MACC1: variants seen among roughly 807,000 people sequenced by gnomAD.
MACC1 encodes the protein MET transcriptional regulator MACC1, also known as metastasis-associated in colon cancer protein 1.
In MACC1, 79 loss-of-function variants were observed where a neutral mutation model predicts 70.7. That is an observed-to-expected ratio of 1.12 (90% CI 0.93 to 1.35). The LOEUF (loss-of-function observed/expected upper bound fraction) is 1.35. Ranked by LOEUF, MACC1 falls within the 40% of genes most tolerant of loss-of-function variation. The pLI is 0.00. For synonymous variants in MACC1, 361 were observed against 347.2 expected (o/e 1.04, Z -0.44); for missense variants, 1,106 against 978.1 (o/e 1.13, Z -1.74).
intron 3 of MACC1, among the ~76,000 whole-genome samples, chr7:20,162,265 C>G (rs868087163): frequency 6.6e-6 from 1 of 151,978 alleles, no homozygotes; most frequent in African/African-American, 2.4e-5. Context: ...TGTATACATT[C>G]GATGCAGTTC....
chr7:20,158,267 C>T lies in MACC1; in HGVS notation c.2094G>A (p.Lys698=). Residue 698 remains lysine, a synonymous_variant, in exon 5 of 7, where the codon AAG becomes AAA. Coordinates refer to ENST00000400331, the MANE Select transcript of MACC1 (RefSeq NM_182762.4). The part of the protein sequence containing the change: ...KESEKVSYVI[K]KLKEDCHTER... ...CTGTGTGGCAATCTTCCTTTAACTT[C>T]TTTATAACATAAGAAACTTTCTCTG... The T allele has an allele frequency of 6.2e-7, 1 of 1,609,638 alleles. No individual in the cohort carries two copies. The highest frequency in any genetic ancestry group is 8.5e-7 in the Non-Finnish European group (1 of 1,178,958).
chr7:20,164,809 G>A (rs528070595), intron 2 of MACC1, among the ~76,000 whole-genome samples: 7 of 152,070 alleles, frequency 4.6e-5, no homozygotes, highest in Middle Eastern at 3.4e-3. Flanking sequence ...AAATTAAAAT[G>A]AGGAACAAAT....
intron 1 of MACC1, among the ~76,000 whole-genome samples, chr7:20,204,301 CCCA>C (rs1782878068): frequency 6.6e-6 from 1 of 152,010 alleles, no homozygotes; most frequent in Non-Finnish European, 1.5e-5. Flanking sequence ...ACCACAGGCG[CCCA>C]CCACCACGCC....
chr7:20,168,638 A>T (rs934104965), intron 2 of MACC1, among the ~76,000 whole-genome samples: 1 of 152,180 alleles, frequency 6.6e-6, no homozygotes, highest in Admixed American at 6.5e-5. Context: ...ATGTGTGTTG[A>T]TGTCATCTCA....
At chr7:20,182,177 A>T (rs1052852945) in intron 1 of MACC1, among the ~76,000 whole-genome samples, 1 of 112,804 alleles carries the variant, frequency 8.9e-6, no homozygotes, top group African/African-American at 3.4e-5. Flanking sequence ...AACATCACCC[A>T]CTGGGGACTG....
At chr7:20,163,975 C>T (rs1015882596) in intron 3 of MACC1, among the ~76,000 whole-genome samples, 7 of 152,190 alleles carry the variant, frequency 4.6e-5, no homozygotes, top group South Asian at 2.1e-4. Context: ...CTCGCTATAT[C>T]GCCCAGGCTG....
intron 1 of MACC1, among the ~76,000 whole-genome samples, chr7:20,205,617 C>G (rs1782900058): frequency 6.6e-6 from 1 of 152,122 alleles, no homozygotes; most frequent in Non-Finnish European, 1.5e-5. Flanking sequence ...CCTGCTATTG[C>G]TTTGACCATT....
At chr7:20,145,048 T>C (rs536823916) in intron 6 of MACC1, among the ~76,000 whole-genome samples, 25 of 152,294 alleles carry the variant, frequency 1.6e-4, no homozygotes, top group African/African-American at 5.8e-4. Context: ...CCCAACTCCA[T>C]GTTCCACAAC....
At chr7:20,180,420 C>A (rs371821037) in intron 1 of MACC1, among the ~76,000 whole-genome samples, 1 of 143,144 alleles carries the variant, frequency 7.0e-6, no homozygotes, top group African/African-American at 2.6e-5. Context: ...TTCAGCCTTG[C>A]GACAAAGCAA....
At position 20,158,623 on chromosome 7, in the gene MACC1, G is replaced by A. The variant is rs753133146; in HGVS notation, c.1738C>T (p.Leu580Phe). The A allele has an allele frequency of 1.9e-6, 3 of 1,614,038 alleles. No homozygotes were observed. Among genetic ancestry groups the A allele is most frequent in the Non-Finnish European group, 2.5e-6 (3 of 1,179,974 alleles). Residue 580 changes from leucine (L) to phenylalanine (F), a missense_variant, in exon 5 of 7, where the codon CTC (leucine) becomes TTC (phenylalanine). By Grantham distance (22) the Leu-to-Phe change is conservative. Transcript: ENST00000400331. ...LEYFKGDTIA[L>F]LGEGKVKAIG... Reference sequence around the variant, plus strand: ...GCTTTTACCTTACCTTCCCCGAGGAGAGCTATTGTGTCCCCTTTGAAATAT... The same window carrying A: ...GCTTTTACCTTACCTTCCCCGAGGAAAGCTATTGTGTCCCCTTTGAAATAT...
At chr7:20,171,337 C>T (rs1314964483) in intron 1 of MACC1, among the ~76,000 whole-genome samples, 1 of 151,424 alleles carries the variant, frequency 6.6e-6, no homozygotes, top group Non-Finnish European at 1.5e-5. Flanking sequence ...CTGCAAGCTC[C>T]GCCTCCCAGG....
At chr7:20,207,971 G>T (rs1271832299) in intron 1 of MACC1, among the ~76,000 whole-genome samples, 1 of 152,088 alleles carries the variant, frequency 6.6e-6, no homozygotes, top group African/African-American at 2.4e-5. Context: ...TTTCCCCCAT[G>T]CTGTTCTAAT....
At chr7:20,154,780 G>A (rs552008438) in intron 5 of MACC1, among the ~76,000 whole-genome samples, 5 of 152,086 alleles carry the variant, frequency 3.3e-5, no homozygotes, top group East Asian at 1.9e-4. Flanking sequence ...ATAAAGCCTC[G>A]TTCTAGGAGA....
chr7:20,142,517 C>G (rs1484769349), intron 6 of MACC1, among the ~76,000 whole-genome samples: 1 of 152,132 alleles, frequency 6.6e-6, no homozygotes, highest in Non-Finnish European at 1.5e-5. Flanking sequence ...ATAAGTTTTA[C>G]CCTCACCAAC....
chr7:20,173,923 G>A (rs992732312), intron 1 of MACC1, among the ~76,000 whole-genome samples: 7 of 152,088 alleles, frequency 4.6e-5, no homozygotes, highest in Admixed American at 2.6e-4. Context: ...TTCATAACGT[G>A]GACAACTGCT....
chr7:20,187,228 T>A (rs951252893), intron 1 of MACC1, among the ~76,000 whole-genome samples: 6 of 152,220 alleles, frequency 3.9e-5, no homozygotes, highest in African/African-American at 1.4e-4. Context: ...TATTAAGATA[T>A]TATTTTACAT....
rs1414646259 is a variant in MACC1 at position 20,140,836 on chromosome 7, CACAG to C, written c.*106_*109del. ...ACACACACACACACAGACACACACA[CACAG>C]ACACACACACACAGACACACAGAGA... On this transcript the variant is annotated 3_prime_UTR_variant, in exon 7 of 7. Transcript: ENST00000400331. The C allele has an allele frequency of 2.3e-5, 17 of 735,150 alleles. No homozygotes were observed. Among genetic ancestry groups the C allele is most frequent in the East Asian group, 1.3e-4 (5 of 38,852 alleles). 45.5% of individuals were successfully genotyped at this position (735,150 alleles called of 1,614,324 possible). A position where few individuals can be genotyped will look rare whatever the true frequency, so the allele number is the denominator to read the frequency against.
rs1248051913 is a variant in MACC1 at position 20,158,720 on chromosome 7, T to A, written c.1641A>T (p.Thr547=). The change falls in exon 5 of 7, where the codon ACA becomes ACT. Residue 547 remains threonine (T), a synonymous_variant. Transcript: ENST00000400331. ...LVKYPTFQDK[T]LNFSNYGVTL... Reference sequence around the variant, plus strand: ...TTACCCCATAGTTGCTAAAGTTCAATGTTTTATCTTGAAATGTAGGATATT... The same window carrying A: ...TTACCCCATAGTTGCTAAAGTTCAAAGTTTTATCTTGAAATGTAGGATATT... The A allele has an allele frequency of 1.9e-6, 3 of 1,613,792 alleles. No individual in the cohort carries two copies. The African/African-American group carries it at 4.0e-5, about 22-fold the overall frequency.
intron 6 of MACC1, among the ~76,000 whole-genome samples, chr7:20,148,648 G>T (rs1781930488): frequency 6.6e-6 from 1 of 152,242 alleles, no homozygotes; most frequent in South Asian, 2.1e-4. Flanking sequence ...TGTTACCCCA[G>T]AAATTTCACT....
Sources: allele counts gnomAD v4.1 joint callset (sites outside exome capture counted in the v4.1 genomes callset), GRCh38; gene constraint gnomAD v4.1.1; transcripts MANE v1.5; gene names NCBI Gene and HGNC (gene_info 2026-07-23, HGNC 2026-07-21).